CCDC136: variants seen among roughly 807,000 people sequenced by gnomAD.
CCDC136 encodes the protein coiled-coil domain-containing protein 136.
Under a neutral mutation model 141.2 loss-of-function variants are expected in CCDC136, and 100 were observed. That is an observed-to-expected ratio of 0.71 (90% CI 0.60 to 0.84). CCDC136 has a LOEUF of 0.84. Among genes scored for constraint, CCDC136 ranks in the 40% least tolerant of loss-of-function variants. CCDC136 has a pLI of 0.00. For missense variants in CCDC136, 1,206 were observed against 1,379.4 expected, an observed-to-expected ratio of 0.87 and a Z score of 1.99; for synonymous variants, 474 against 531.9, an observed-to-expected ratio of 0.89 and a Z score of 1.50.
At chr7:128,818,898 TG>T (rs907891127) in intron 17 of CCDC136, among the ~76,000 whole-genome samples, 8 of 152,220 alleles carry the variant, frequency 5.3e-5, no homozygotes, top group African/African-American at 1.9e-4. Flanking sequence ...CTCACATTCC[TG>T]TGAACGGAAT....
At chr7:128,796,736 TATATTC>T (rs1803008633) in intron 3 of CCDC136, among the ~76,000 whole-genome samples, 1 of 123,196 alleles carries the variant, frequency 8.1e-6, no homozygotes, top group South Asian at 2.6e-4. Flanking sequence ...TATATATATA[TATATTC>T]TTTTTTTTTT....
rs1806548822 is a variant in CCDC136 at position 128,815,917 on chromosome 7, T to G, written c.3349T>G (p.Ser1117Ala). 6.2e-7 allele frequency: 1 copy of G among 1,609,326 alleles called. No individual in the cohort carries two copies. The highest frequency in any genetic ancestry group is 8.5e-7 in the Non-Finnish European group (1 of 1,177,852). ...SPEENNPLRL[S>A]ESKKSSPTPN... is the part of the protein sequence containing the mutation. The stretch of plus-strand genomic sequence containing the variant: ...CGAAGAAAATAACCCCCTCAGACTT[T>G]CCGAGAGCAAAAAGGTAACCAGAGC... The change falls in exon 16 of 18, where the codon TCC becomes GCC. Residue 1117 changes from serine (S) to alanine (A), a missense_variant. Transcript: ENST00000297788.
chr7:128,808,538 A>T, intron 10 of CCDC136: 1 of 985,392 alleles, frequency 1.0e-6, no homozygotes, highest in Non-Finnish European at 1.2e-6. Flanking sequence ...CTGATGGGAA[A>T]TGGAAAGGTG....
chr7:128,814,930 A>C lies in CCDC136; in HGVS notation c.3045+11A>C. The stretch of plus-strand genomic sequence containing the variant: ...CTTGAGACCAGAAAGGTGAGTAGTA[A>C]CCTTGGTAGCCAGATAAGCAGAAAG... On this transcript the variant is annotated intron_variant, in intron 15 of 17. Transcript: ENST00000297788. 1 of 1,560,576 alleles carries C rather than the reference A, an allele frequency of 6.4e-7. No homozygotes were observed. The highest frequency in any genetic ancestry group is 8.7e-7 in the Non-Finnish European group (1 of 1,150,868).
At chr7:128,802,280 G>T (rs1045987955) in intron 4 of CCDC136, among the ~76,000 whole-genome samples, 2 of 152,166 alleles carry the variant, frequency 1.3e-5, no homozygotes, top group African/African-American at 4.8e-5. Flanking sequence ...TTATTCTGAG[G>T]CTAGATTTAT....
rs766594498 is a variant in CCDC136 at position 128,817,843 on chromosome 7, C to T, written c.3449C>T (p.Ala1150Val). ...VISALLWCWW[A>V]ETSS Reference sequence around the variant, plus strand: ...TCGGCTTTGCTCTGGTGCTGGTGGGCTGAGACGTCGTCCTAATGCAGGTAC... The same window carrying T: ...TCGGCTTTGCTCTGGTGCTGGTGGGTTGAGACGTCGTCCTAATGCAGGTAC... The change falls in exon 17 of 18, where the codon GCT becomes GTT. Residue 1150 changes from alanine (A) to valine (V), a missense_variant. Ala to Val is a moderately conservative substitution (Grantham distance 64). Transcript: ENST00000297788. The surrounding 1 kb of genome is among the most constrained non-coding windows in gnomAD (Gnocchi z 4.6). 1 of 1,613,718 alleles carries T rather than the reference C, an allele frequency of 6.2e-7. No homozygotes were observed. The highest frequency in any genetic ancestry group is 8.5e-7 in the Non-Finnish European group (1 of 1,179,696).
chr7:128,813,746 C>T (rs768003258), intron 14 of CCDC136, among the ~76,000 whole-genome samples: 1 of 152,046 alleles, frequency 6.6e-6, no homozygotes, highest in Non-Finnish European at 1.5e-5. Flanking sequence ...TTTGGGAGGC[C>T]GAGGCGGGTG....
At position 128,812,753 on chromosome 7, in the gene CCDC136, G is replaced by A. The variant is rs1242304663; in HGVS notation, c.2587G>A (p.Val863Met). The A allele has an allele frequency of 6.2e-7, 1 of 1,613,538 alleles. No individual in the cohort carries two copies. Among genetic ancestry groups the A allele is most frequent in the Non-Finnish European group, 8.5e-7 (1 of 1,179,838 alleles). ...GAAAGTGCTGATCAAGCTGCAGGCG[G>A]TGCAGGCCATGTACCAGATAAGCCA... ...VVKVLIKLQA[V>M]QAMYQISQEE... Residue 863 changes from valine to methionine, a missense_variant, in exon 14 of 18, where the codon GTG (valine) becomes ATG (methionine). Transcript: ENST00000297788.
Position 128,817,789 on chromosome 7 carries a change from C to G in CCDC136, c.3395C>G (p.Ser1132Cys). Residue 1132 changes from serine (S) to cysteine (C), a missense_variant, in exon 17 of 18, where the codon TCC (serine) becomes TGC (cysteine). Physicochemically the swap from Ser to Cys is moderately radical, Grantham distance 112. Transcript: ENST00000297788. This position sits in a 1 kb window ranked among gnomAD's most constrained non-coding sequence, Gnocchi z 4.6. The stretch of plus-strand genomic sequence containing the variant: ...CCTACCCCCAATCCCCCCATCTTCT[C>G]CTTGCCTCTTGTAGGCCTGGTGGTC... ...SSPTPNPPIF[S>C]LPLVGLVVIS... The G allele has an allele frequency of 6.2e-7, 1 of 1,613,916 alleles. No homozygotes were observed.
intron 1 of CCDC136, among the ~76,000 whole-genome samples, chr7:128,793,531 T>C (rs1428613432): frequency 6.6e-6 from 1 of 152,240 alleles, no homozygotes; most frequent in African/African-American, 2.4e-5. Context: ...TTTCTCTACC[T>C]GCTGACGGGC....
At chr7:128,818,090 C>T (rs761950328) in intron 17 of CCDC136, 1 of 496,546 alleles carries the variant, frequency 2.0e-6, no homozygotes, top group Non-Finnish European at 3.6e-6. Context: ...GAATGCTTGC[C>T]AGAGACATGG....
chr7:128,793,697 G>A (rs1278708321), intron 1 of CCDC136, among the ~76,000 whole-genome samples: 1 of 152,086 alleles, frequency 6.6e-6, no homozygotes, highest in Non-Finnish European at 1.5e-5. Flanking sequence ...GCAACCTCCA[G>A]TTCCCAGGTT....
chr7:128,809,611 A>G lies in CCDC136; in HGVS notation c.1767A>G (p.Thr589=). ...TGCAGGAAGAGCTGCACAGGCTCACACTGCCACTGCCAAAGAGTGGCCTCT... is the reference window on the plus strand; with the variant it reads ...TGCAGGAAGAGCTGCACAGGCTCACGCTGCCACTGCCAAAGAGTGGCCTCT... ...GQLQEELHRL[T]LPLPKSGLLL... is the part of the protein sequence containing the mutation. The change falls in exon 11 of 18, where the codon ACA becomes ACG. Residue 589 remains threonine (T), a synonymous_variant. Transcript: ENST00000297788. 1.3e-6 allele frequency: 2 copies of G among 1,552,822 alleles called. No homozygotes were observed. The highest frequency in any genetic ancestry group is 1.7e-6 in the Non-Finnish European group (2 of 1,148,972).
At position 128,814,889 on chromosome 7, in the gene CCDC136, T is replaced by G. The variant is rs138966292; in HGVS notation, c.3015T>G (p.Asp1005Glu). The change falls in exon 15 of 18, where the codon GAT (aspartate) becomes GAG (glutamate). Residue 1005 changes from aspartate to glutamate, a missense_variant. By Grantham distance (45) the Asp-to-Glu change is conservative (BLOSUM62 2). Transcript: ENST00000297788. ...KMKKVTKPCS[D>E]TSESDLETRK... ...AAAAGGTGACCAAGCCATGCTCGGA[T>G]ACTTCTGAGAGCGACCTTGAGACCA... 693 of 1,604,052 alleles carry G rather than the reference T, an allele frequency of 4.3e-4. 4 individuals are homozygous for G. The African/African-American group carries it at 8.1e-3, about 19-fold the overall frequency.
At position 128,805,872 on chromosome 7, in the gene CCDC136, C is replaced by G. The variant is rs775126730; in HGVS notation, c.1060C>G (p.Arg354Gly). Reference protein sequence around the residue: ...ELKCAQNEVLRFQTSHSVTQN... With the variant: ...ELKCAQNEVLGFQTSHSVTQN... ...CAAGTGTGCTCAGAATGAGGTGCTTCGGTTTCAGACCTCCCACAGTGTCAC... is the reference window on the plus strand; with the variant it reads ...CAAGTGTGCTCAGAATGAGGTGCTTGGGTTTCAGACCTCCCACAGTGTCAC... The change falls in exon 7 of 18, where the codon CGG becomes GGG. Residue 354 changes from arginine to glycine, a missense_variant. Arg to Gly is a moderately radical substitution (Grantham distance 125, BLOSUM62 -2). Transcript: ENST00000297788. This position sits in a 1 kb window ranked among gnomAD's most constrained non-coding sequence, Gnocchi z 4.6. 1 of 1,613,896 alleles carries G rather than the reference C, an allele frequency of 6.2e-7. No individual in the cohort carries two copies. Among genetic ancestry groups the G allele is most frequent in the South Asian group, 1.1e-5 (1 of 91,066 alleles).
In CCDC136 at chr7:128,806,811, C is replaced by T. The variant is rs774745841; in HGVS notation, c.1372C>T (p.Gln458Ter). Residue 458 changes from glutamine to a stop codon, truncating the protein, a stop_gained, in exon 9 of 18, where the codon CAG becomes TAG. Coordinates refer to ENST00000297788, the MANE Select transcript of CCDC136 (RefSeq NM_022742.5). LOFTEE classifies it high-confidence loss of function. ...GCTGCAGTGCCATGAGGCAGAGCTG[C>T]AGCACCTCAGGGATACGGTGGCCTC... The part of the protein sequence containing the change: ...EELQCHEAEL[Q>*]HLRDTVASFK... 2.5e-6 allele frequency: 4 copies of T among 1,612,984 alleles called. No homozygotes were observed. Among genetic ancestry groups the T allele is most frequent in the Non-Finnish European group, 3.4e-6 (4 of 1,179,688 alleles).
rs151145339 is a variant in CCDC136, at chr7:128,810,000, G to A, written c.1801-139G>A. On this transcript the variant is annotated intron_variant, in intron 11 of 17. Coordinates refer to ENST00000297788, the MANE Select transcript of CCDC136 (RefSeq NM_022742.5). Reference sequence around the variant, plus strand: ...CAGGTCTCCATAGAAGGGCTCCCCCGTCCCCAGATGGGCTCTGTGAAGTCA... The same window carrying A: ...CAGGTCTCCATAGAAGGGCTCCCCCATCCCCAGATGGGCTCTGTGAAGTCA... The A allele has an allele frequency of 5.2e-4, 319 of 617,470 alleles. 2 individuals carry two copies. The highest frequency in any genetic ancestry group is 1.4e-3 in the South Asian group (68 of 48,288). 38.2% of individuals were successfully genotyped at this position (617,470 alleles called of 1,614,324 possible).
At chr7:128,791,424 C>T, upstream of CCDC136, 14 of 1,169,082 alleles carry the variant, frequency 1.2e-5, no homozygotes, top group African/African-American at 1.6e-5. This position sits in a 1 kb window ranked among gnomAD's most constrained non-coding sequence, Gnocchi z 7.1. Flanking sequence ...CCTGCGCACC[C>T]GGCTCGGGTC....
At chr7:128,791,957 C>G (rs1291322367), upstream of CCDC136, 1 of 1,053,596 alleles carries the variant, frequency 9.5e-7, no homozygotes, top group Admixed American at 4.6e-5. The surrounding 1 kb of genome is among the most constrained non-coding windows in gnomAD (Gnocchi z 7.1). Flanking sequence ...ACGCCCCCCA[C>G]TCCTCCCTCC....
Sources: gnomAD v4.1 joint callset for allele counts (sites outside exome capture counted in the v4.1 genomes callset) on GRCh38, gnomAD v4.1.1 for gene constraint, Gnocchi (gnomAD v3.1) non-coding constraint, MANE v1.5 for transcripts, NCBI Gene and HGNC (gene_info 2026-07-23, HGNC 2026-07-21) for gene names.